The following HIP1 variants were observed in gnomAD, a reference collection of about 807,000 sequenced individuals.
The protein encoded by HIP1 is huntingtin-interacting protein 1.
HIP1 carries 65 observed loss-of-function variants against 147.6 expected under a neutral mutation model. That is an observed-to-expected ratio of 0.44 (90% CI 0.36 to 0.54). HIP1 has a LOEUF of 0.54. Ranked by LOEUF, HIP1 falls within the 20% of genes least tolerant of loss-of-function variation. The pLI, the probability that HIP1 is intolerant of heterozygous loss-of-function variation, is 0.00. For missense variants in HIP1, 1,061 were observed against 1,299.6 expected, an observed-to-expected ratio of 0.82 and a Z score of 2.82; for synonymous variants, 479 against 504.0, an observed-to-expected ratio of 0.95 and a Z score of 0.67.
chr7:75,665,264 TA>T (rs1240142185), intron 1 of HIP1, among the ~76,000 whole-genome samples: 11 of 151,832 alleles, frequency 7.2e-5, no homozygotes, highest in Non-Finnish European at 1.3e-4. Flanking sequence ...CCTATCTCTA[TA>T]AAAAAATAAG....
intron 1 of HIP1, among the ~76,000 whole-genome samples, chr7:75,657,874 C>A (rs1799192138): frequency 6.6e-6 from 1 of 151,724 alleles, no homozygotes; most frequent in African/African-American, 2.4e-5. Flanking sequence ...GCACATGTAC[C>A]CCCTGAATCT....
intron 1 of HIP1, among the ~76,000 whole-genome samples, chr7:75,644,429 G>A (rs777276889): frequency 5.3e-5 from 8 of 152,046 alleles, no homozygotes; most frequent in South Asian, 2.1e-4. Context: ...CAAGTAGCTC[G>A]GATTACAGGT....
chr7:75,660,144 A>G (rs1799266503), intron 1 of HIP1, among the ~76,000 whole-genome samples: 1 of 150,318 alleles, frequency 6.7e-6, no homozygotes, highest in South Asian at 2.1e-4. Context: ...AACAAAACAC[A>G]CAAAAAAACT....
At chr7:75,655,598 A>G (rs1382972549) in intron 1 of HIP1, among the ~76,000 whole-genome samples, 3 of 151,908 alleles carry the variant, frequency 2.0e-5, no homozygotes, top group African/African-American at 7.3e-5. Flanking sequence ...AAAGAAAAGA[A>G]AAGAAAAGAA....
At chr7:75,642,269 G>A (rs1044959483) in intron 1 of HIP1, among the ~76,000 whole-genome samples, 6 of 152,076 alleles carry the variant, frequency 3.9e-5, no homozygotes, top group African/African-American at 7.2e-5. Context: ...TGGGTACGAC[G>A]GTTCACACCT....
At chr7:75,630,894 T>A (rs1274062628) in intron 1 of HIP1, among the ~76,000 whole-genome samples, 1 of 152,230 alleles carries the variant, frequency 6.6e-6, no homozygotes, top group African/African-American at 2.4e-5. Context: ...AGAGCAAACA[T>A]ATTTCTAATG....
chr7:75,678,873 A>C, intron 1 of HIP1, among the ~76,000 whole-genome samples: 1 of 152,174 alleles, frequency 6.6e-6, no homozygotes, highest in East Asian at 1.9e-4. Flanking sequence ...CCAGGCATCT[A>C]CCTAACCTTA....
chr7:75,727,145 GT>G lies in HIP1; in HGVS notation c.120+11655del, dbSNP rs530853443. On this transcript the variant is annotated intron_variant, in intron 1 of 30. Transcript: ENST00000336926. ...TTGTTTTTGAGACACAGGTCTCACT[GT>G]GTCACCCAGGCTGGAGTGTAGTGGT... is the stretch of plus-strand genomic sequence containing the variant. 2.0e-3 allele frequency among the ~76,000 whole-genome samples: 309 copies of G among 151,542 alleles called. 1 individual carries two copies. Among genetic ancestry groups the G allele is most frequent in the African/African-American group, 7.1e-3 (294 of 41,318 alleles).
chr7:75,631,874 G>A (rs1396569668), intron 1 of HIP1, among the ~76,000 whole-genome samples: 1 of 152,082 alleles, frequency 6.6e-6, no homozygotes, highest in Non-Finnish European at 1.5e-5. Flanking sequence ...TCACCCAGCT[G>A]CGCGTGTGTT....
At chr7:75,728,926 A>AG (rs1161301791) in intron 1 of HIP1, among the ~76,000 whole-genome samples, 1 of 146,130 alleles carries the variant, frequency 6.8e-6, no homozygotes, top group South Asian at 2.3e-4. Flanking sequence ...TTGTCAGTGA[A>AG]GGGGGAGTAT....
rs1318735633 is a variant in HIP1, at chr7:75,582,579, G to T, written c.466-428C>A. On this transcript the variant is annotated intron_variant, in intron 5 of 30. Coordinates refer to ENST00000336926, the MANE Select transcript of HIP1 (RefSeq NM_005338.7). Reference sequence around the variant, plus strand: ...TAATCCCAGCACTTTGGGGGCCAAGGCAGATGGATCACTTGGGGTCAGGAA... The same window carrying T: ...TAATCCCAGCACTTTGGGGGCCAAGTCAGATGGATCACTTGGGGTCAGGAA... Among the ~76,000 whole-genome samples the T allele has an allele frequency of 2.6e-5, 4 of 152,256 alleles. No homozygotes were observed. The East Asian group carries it at 7.8e-4, about 30-fold the overall frequency.
At chr7:75,605,967 A>G (rs2117036055) in intron 1 of HIP1, among the ~76,000 whole-genome samples, 1 of 152,236 alleles carries the variant, frequency 6.6e-6, no homozygotes, top group East Asian at 1.9e-4. Flanking sequence ...CTCCCACCTC[A>G]GCTTCCTGAG....
rs1794157776 is a variant in HIP1, at chr7:75,538,168, G to A, written c.*4C>T. On this transcript the variant is annotated 3_prime_UTR_variant, in exon 31 of 31. Transcript: ENST00000336926. The stretch of plus-strand genomic sequence containing the variant: ...ACACTGACATATGGGGTGTTGGTTT[G>A]GCTCTATTCTTTTTCGGTTACCACT... The A allele has an allele frequency of 6.2e-7, 1 of 1,607,778 alleles. No individual in the cohort carries two copies. Among genetic ancestry groups the A allele is most frequent in the African/African-American group, 1.3e-5 (1 of 74,670 alleles).
intron 9 of HIP1, among the ~76,000 whole-genome samples, chr7:75,565,737 CTT>C (rs34786053): frequency 7.4e-4 from 106 of 144,090 alleles, no homozygotes; most frequent in Admixed American, 1.2e-3. Context: ...CCCTCCTTTC[CTT>C]TTTTTTTTTT....
chr7:75,697,958 T>C (rs1227350985), intron 1 of HIP1, among the ~76,000 whole-genome samples: 5 of 152,206 alleles, frequency 3.3e-5, no homozygotes, highest in African/African-American at 1.2e-4. Context: ...CATTAATTCA[T>C]CTGACATATT....
At chr7:75,655,818 A>G (rs1490417287) in intron 1 of HIP1, among the ~76,000 whole-genome samples, 1 of 152,052 alleles carries the variant, frequency 6.6e-6, no homozygotes, top group Non-Finnish European at 1.5e-5. Context: ...ACTGAATTGT[A>G]TACTTAAAAA....
chr7:75,559,946 C>A (rs782394334), intron 13 of HIP1, 31 bp from the exon 14 acceptor site: 17 of 1,554,602 alleles, frequency 1.1e-5, no homozygotes, highest in Non-Finnish European at 1.4e-5. Context: ...TGAGGCCAAC[C>A]GCCCACTGCC....
intron 22 of HIP1, among the ~76,000 whole-genome samples, chr7:75,550,729 A>T (rs587614078): frequency 1.3e-4 from 20 of 152,070 alleles, no homozygotes; most frequent in African/African-American, 4.6e-4. Context: ...TATTATTATT[A>T]TTTTTTAATT....
chr7:75,650,982 C>T (rs1365536823), intron 1 of HIP1, among the ~76,000 whole-genome samples: 1 of 152,124 alleles, frequency 6.6e-6, no homozygotes, highest in Non-Finnish European at 1.5e-5. Context: ...CAGCCCTCTC[C>T]CCACCACACA....
Sources: allele counts gnomAD v4.1 joint callset (sites outside exome capture counted in the v4.1 genomes callset), GRCh38; gene constraint gnomAD v4.1.1; transcripts MANE v1.5; gene names NCBI Gene and HGNC (gene_info 2026-07-23, HGNC 2026-07-21).